Variants in KIRREL3 observed in about 807,000 individuals in gnomAD.
The protein encoded by KIRREL3 is kin of IRRE-like protein 3.
KIRREL3 carries 36 observed loss-of-function variants against 89.7 expected under a neutral mutation model. That is an observed-to-expected ratio of 0.40 (90% CI 0.31 to 0.53). The LOEUF is 0.53. Among genes scored for constraint, KIRREL3 ranks in the 20% least tolerant of loss-of-function variants. KIRREL3 has a pLI of 0.49. For synonymous variants in KIRREL3, 445 were observed against 441.4 expected (o/e 1.01, Z -0.10); for missense variants, 864 against 1,056.6 (o/e 0.82, Z 2.53).
chr11:126,850,502 C>G (rs1251834852), intron 1 of KIRREL3, among the ~76,000 whole-genome samples: 1 of 152,194 alleles, frequency 6.6e-6, no homozygotes, highest in African/African-American at 2.4e-5. Flanking sequence ...CTCATAGGTT[C>G]TCCCAACTCC....
chr11:126,949,515 A>C (rs75875410), intron 1 of KIRREL3, among the ~76,000 whole-genome samples: 57 of 152,350 alleles, frequency 3.7e-4, no homozygotes, highest in African/African-American at 1.3e-3. Context: ...TCCGCCTGGA[A>C]GCACGACAGG....
chr11:126,581,969 A>G (rs1941574898), intron 1 of KIRREL3, among the ~76,000 whole-genome samples: 1 of 152,160 alleles, frequency 6.6e-6, no homozygotes, highest in African/African-American at 2.4e-5. Context: ...GCATGTATTC[A>G]TTGTTCCATT....
At chr11:126,854,853 G>C (rs769523588) in intron 1 of KIRREL3, among the ~76,000 whole-genome samples, 2 of 152,150 alleles carry the variant, frequency 1.3e-5, no homozygotes, top group Non-Finnish European at 2.9e-5. Flanking sequence ...AGTGCACAAA[G>C]GGTCCAATTC....
intron 11 of KIRREL3, 100 bp from the exon 12 acceptor site, chr11:126,437,109 C>T (rs1173857156): frequency 5.7e-6 from 6 of 1,060,198 alleles, no homozygotes; most frequent in South Asian, 1.8e-5. Flanking sequence ...TGTTCATGCT[C>T]ACTGCCACAC....
In KIRREL3 at chr11:126,811,732, G is replaced by A. The variant is rs188444215; in HGVS notation, c.55+188723C>T. Among the ~76,000 whole-genome samples the A allele has an allele frequency of 4.6e-5, 7 of 152,198 alleles. No homozygotes were observed. In the East Asian group the frequency reaches 7.7e-4, roughly 17 times the overall value. ...CTCCCAAGTAGCGGGGATTACCGGC[G>A]CCTGCTACCATGCCCAGCTAATTTT... On this transcript the variant is annotated intron_variant, in intron 1 of 16. Coordinates refer to ENST00000525144, the MANE Select transcript of KIRREL3 (RefSeq NM_032531.4). The surrounding 1 kb of genome is among the most constrained non-coding windows in gnomAD (Gnocchi z 4.3).
intron 2 of KIRREL3, among the ~76,000 whole-genome samples, chr11:126,536,622 C>T (rs2134475193): frequency 6.7e-6 from 1 of 148,730 alleles, no homozygotes; most frequent in African/African-American, 2.5e-5. Context: ...CTGAGTATCC[C>T]CTCATGGCCC....
At position 126,797,716 on chromosome 11, in the gene KIRREL3, T is replaced by C. The variant is rs1950858480; in HGVS notation, c.55+202739A>G. On this transcript the variant is annotated intron_variant, in intron 1 of 16. Transcript: ENST00000525144. The surrounding 1 kb of genome is among the most constrained non-coding windows in gnomAD (Gnocchi z 4.9). ...TATATGAGGAAAGCACAGAATCACA[T>C]GGTTGAAAAGAACTGTAATTGTAAT... 6.6e-6 allele frequency among the ~76,000 whole-genome samples: 1 copy of C among 152,126 alleles called. No homozygotes were observed. The highest frequency in any genetic ancestry group is 1.5e-5 in the Non-Finnish European group (1 of 68,020).
chr11:126,736,183 C>T lies in KIRREL3; in HGVS notation c.56-173271G>A, dbSNP rs2134207164. Among the ~76,000 whole-genome samples the T allele has an allele frequency of 6.6e-6, 1 of 152,270 alleles. No individual in the cohort carries two copies. The highest frequency in any genetic ancestry group is 1.9e-4 in the East Asian group (1 of 5,178). ...GGATTGTCTAGAGAGAACAGATGGT[C>T]TGGTTTACTTTCAATTGTAGTCACA... On this transcript the variant is annotated intron_variant, in intron 1 of 16. Transcript: ENST00000525144. The surrounding 1 kb of genome is among the most constrained non-coding windows in gnomAD (Gnocchi z 5.0).
In KIRREL3 at chr11:126,431,245, A is replaced by G; in HGVS notation, c.1696+174T>C. The G allele has an allele frequency of 1.3e-6, 2 of 1,527,630 alleles. No homozygotes were observed. The highest frequency in any genetic ancestry group is 1.8e-6 in the Non-Finnish European group (2 of 1,131,130). 94.6% of individuals were successfully genotyped at this position (1,527,630 alleles called of 1,614,324 possible). On this transcript the variant is annotated intron_variant, in intron 14 of 16. Coordinates refer to ENST00000525144, the MANE Select transcript of KIRREL3 (RefSeq NM_032531.4). This position sits in a 1 kb window ranked among gnomAD's most constrained non-coding sequence, Gnocchi z 7.1. ...CCTAGCGCCCACTCTGCCAGGCGCCATGTTGCCCAGGCTCACATACACCGA... is the reference window on the plus strand; with the variant it reads ...CCTAGCGCCCACTCTGCCAGGCGCCGTGTTGCCCAGGCTCACATACACCGA...
chr11:126,518,205 T>G (rs1442669689), intron 4 of KIRREL3, among the ~76,000 whole-genome samples: 3 of 152,252 alleles, frequency 2.0e-5, no homozygotes, highest in African/African-American at 7.2e-5. Flanking sequence ...ACAACGCTAA[T>G]TAATGTGTCT....
chr11:126,442,634 G>A (rs1434868424), intron 10 of KIRREL3, among the ~76,000 whole-genome samples: 1 of 152,206 alleles, frequency 6.6e-6, no homozygotes, highest in East Asian at 1.9e-4. Context: ...GATCTCATTT[G>A]AATGCTTTCA....
chr11:126,473,310 T>G lies in KIRREL3; in HGVS notation c.590A>C (p.Lys197Thr). 28 of 673,680 alleles carry G rather than the reference T, an allele frequency of 4.2e-5. No individual in the cohort carries two copies. The highest frequency in any genetic ancestry group is 2.8e-4 in the East Asian group (2 of 7,040). The allele number at this position is 673,680 out of a possible 1,614,324, so 41.7% of individuals were successfully genotyped here. Residue 197 changes from lysine (K) to threonine (T), a missense_variant and splice_region_variant, in exon 5 of 17, where the codon AAG becomes ACG. Transcript: ENST00000525144. ...CACCCCCTCCCCTCCAGGCCTCACC[T>G]TGGAGTAGGTGGCCCCATTGATGAC... The part of the protein sequence containing the change: ...GEVINGATYS[K>T]TLLRDGKRES...
chr11:126,737,341 G>A (rs934132384), intron 1 of KIRREL3, among the ~76,000 whole-genome samples: 4 of 152,076 alleles, frequency 2.6e-5, no homozygotes, highest in Admixed American at 2.6e-4. Flanking sequence ...GCACAGAGAC[G>A]GCACAAGGCA....
rs58169991 is a variant in KIRREL3 at position 126,476,664 on chromosome 11, T to TG, written c.434-3199dup. On this transcript the variant is annotated intron_variant, in intron 4 of 16. Transcript: ENST00000525144. The surrounding 1 kb of genome is among the most constrained non-coding windows in gnomAD (Gnocchi z 6.4). ...CTGCACACCAGATGGGGGTGGGGGC[T>TG]GGGGGGGGGTGGGGGTTGGTGAGGA... Among the ~76,000 whole-genome samples, 177 of 87,344 alleles carry TG rather than the reference T, an allele frequency of 2.0e-3. 1 individual carries two copies. The highest frequency in any genetic ancestry group is 2.7e-3 in the African/African-American group (66 of 24,388). The allele number at this position is 87,344 out of a possible 152,430, so 57.3% of individuals were successfully genotyped here. A position where few individuals can be genotyped will look rare whatever the true frequency, so the allele number is the denominator to read the frequency against.
intron 1 of KIRREL3, among the ~76,000 whole-genome samples, chr11:126,722,971 C>T (rs58217835): frequency 0.075 from 11,475 of 152,250 alleles, 668 homozygotes; most frequent in African/African-American, 0.16. Context: ...CTTCAAGCGT[C>T]ACCTCTATCA....
At chr11:126,582,757 C>A (rs545074463) in intron 1 of KIRREL3, among the ~76,000 whole-genome samples, 1 of 152,256 alleles carries the variant, frequency 6.6e-6, no homozygotes, top group South Asian at 2.1e-4. Flanking sequence ...CTGTTAAAGG[C>A]CAGTGCTTCG....
In KIRREL3 at chr11:126,614,976, G is replaced by T. The variant is rs747405290; in HGVS notation, c.56-52064C>A. On this transcript the variant is annotated intron_variant, in intron 1 of 16. Coordinates refer to ENST00000525144, the MANE Select transcript of KIRREL3 (RefSeq NM_032531.4). The surrounding 1 kb of genome is among the most constrained non-coding windows in gnomAD (Gnocchi z 4.6). ...TTTCGAGTGGAACTGGGACTGTTTA[G>T]CCTAGAAAAGGGGGGACTTGGGGAG... Among the ~76,000 whole-genome samples the T allele has an allele frequency of 7.9e-5, 12 of 152,116 alleles. No homozygotes were observed. Among genetic ancestry groups the T allele is most frequent in the Non-Finnish European group, 1.6e-4 (11 of 68,026 alleles).
rs1351972147 is a variant in KIRREL3, at chr11:126,923,292, TCCTTCTTCCTTC to T, written c.55+77151_55+77162del. On this transcript the variant is annotated intron_variant, in intron 1 of 16. Coordinates refer to ENST00000525144, the MANE Select transcript of KIRREL3 (RefSeq NM_032531.4). ...CTCCTTCTCCTTCTCCTTCTCCTTC[TCCTTCTTCCTTC>T]TCCTTCTCCTTCTTCCTTCTTCTTC... Among the ~76,000 whole-genome samples, 123 of 133,086 alleles carry T rather than the reference TCCTTCTTCCTTC, an allele frequency of 9.2e-4. 6 individuals are homozygous for T. Among genetic ancestry groups the T allele is most frequent in the East Asian group, 5.0e-3 (22 of 4,374 alleles). 87.3% of individuals were successfully genotyped at this position (133,086 alleles called of 152,430 possible). A position where few individuals can be genotyped will look rare whatever the true frequency, so the allele number is the denominator to read the frequency against.
chr11:126,476,032 G>T lies in KIRREL3; in HGVS notation c.434-2566C>A, dbSNP rs1329705754. Reference sequence around the variant, plus strand: ...TCAGCCTTCCCAGTGACTGTGGAAAGTGCCTGAGAGCAGAGGGTGGAGCAG... The same window carrying T: ...TCAGCCTTCCCAGTGACTGTGGAAATTGCCTGAGAGCAGAGGGTGGAGCAG... On this transcript the variant is annotated intron_variant, in intron 4 of 16. Transcript: ENST00000525144. This position sits in a 1 kb window ranked among gnomAD's most constrained non-coding sequence, Gnocchi z 6.4. 6.6e-6 allele frequency among the ~76,000 whole-genome samples: 1 copy of T among 152,236 alleles called. No homozygotes were observed. Among genetic ancestry groups the T allele is most frequent in the East Asian group, 1.9e-4 (1 of 5,194 alleles).
Sources: gnomAD v4.1 joint callset for allele counts (sites outside exome capture counted in the v4.1 genomes callset) on GRCh38, gnomAD v4.1.1 for gene constraint, Gnocchi (gnomAD v3.1) non-coding constraint, MANE v1.5 for transcripts, NCBI Gene and HGNC (gene_info 2026-07-23, HGNC 2026-07-21) for gene names.